Variants in COL22A1 observed in about 807,000 individuals in gnomAD.
COL22A1 encodes the protein collagen type XXII alpha 1 chain.
A neutral mutation model predicts 248.9 loss-of-function variants in COL22A1; 221 were observed. The observed-to-expected ratio is 0.89, with a 90% CI of 0.80 to 0.99. COL22A1 has a LOEUF of 0.99. Ranked by LOEUF, COL22A1 falls within the 50% of genes least tolerant of loss-of-function variation. The pLI, the probability that COL22A1 is intolerant of heterozygous loss-of-function variation, is 0.00. For missense variants in COL22A1, 2,240 were observed against 2,179.0 expected, an observed-to-expected ratio of 1.03 and a Z score of -0.56; for synonymous variants, 891 against 793.4, an observed-to-expected ratio of 1.12 and a Z score of -2.07.
intron 64 of COL22A1, 25 bp downstream of exon 64, chr8:138,591,399 C>T: frequency 6.4e-7 from 1 of 1,553,950 alleles, no homozygotes; most frequent in Non-Finnish European, 8.7e-7. Flanking sequence ...ACACCCTACC[C>T]CTGAGACTGC....
At chr8:138,783,598 G>A (rs1305903317) in intron 12 of COL22A1, among the ~76,000 whole-genome samples, 4 of 152,134 alleles carry the variant, frequency 2.6e-5, no homozygotes, top group Non-Finnish European at 5.9e-5. Context: ...TGACTCAAAA[G>A]TTAATCTCCT....
intron 12 of COL22A1, among the ~76,000 whole-genome samples, chr8:138,792,105 C>A (rs561459219): frequency 6.6e-6 from 1 of 152,210 alleles, no homozygotes; most frequent in East Asian, 1.9e-4. Flanking sequence ...GACATTTTGC[C>A]CCCATTTCAT....
At chr8:138,734,137 G>A (rs1586602346) in intron 23 of COL22A1, among the ~76,000 whole-genome samples, 1 of 152,268 alleles carries the variant, frequency 6.6e-6, no homozygotes, top group East Asian at 1.9e-4. Flanking sequence ...CGAAAGCTCT[G>A]CGGGAAATAG....
At chr8:138,597,395 T>C (rs777349920) in intron 61 of COL22A1, among the ~76,000 whole-genome samples, 27 of 152,194 alleles carry the variant, frequency 1.8e-4, no homozygotes, top group Non-Finnish European at 2.9e-4. Flanking sequence ...TGAACTCATG[T>C]GGATTTCCCC....
chr8:138,671,005 G>A (rs1447624568), intron 41 of COL22A1, among the ~76,000 whole-genome samples: 1 of 143,344 alleles, frequency 7.0e-6, no homozygotes, highest in Non-Finnish European at 1.5e-5. Context: ...TGAGTGTGAA[G>A]GCTAAAGTGA....
intron 40 of COL22A1, among the ~76,000 whole-genome samples, chr8:138,679,119 T>A (rs1164913385): frequency 6.6e-6 from 1 of 152,158 alleles, no homozygotes; most frequent in Non-Finnish European, 1.5e-5. Flanking sequence ...GGTCTCATTA[T>A]GTTATCTAGG....
rs371559054 is a variant in COL22A1, at chr8:138,906,658, CT to C, written c.-73+6960del. Among the ~76,000 whole-genome samples, 1,066 of 144,222 alleles carry C rather than the reference CT, an allele frequency of 7.4e-3. 11 individuals are homozygous for C. Among genetic ancestry groups the C allele is most frequent in the African/African-American group, 0.022 (887 of 39,506 alleles). 94.6% of individuals were successfully genotyped at this position (144,222 alleles called of 152,430 possible). A position where few individuals can be genotyped will look rare whatever the true frequency, so the allele number is the denominator to read the frequency against. On this transcript the variant is annotated intron_variant, in intron 1 of 64. Transcript: ENST00000303045. ...TTGACATAAGACTGACTTTCTTTTT[CT>C]TTTTTTTTTTTGAGACAGAGTCTGG...
At chr8:138,594,329 C>A in intron 62 of COL22A1, 130 bp from the exon 63 acceptor site, 2 of 741,720 alleles carry the variant, frequency 2.7e-6, no homozygotes, top group Non-Finnish European at 2.1e-6. Flanking sequence ...GACAGGATGG[C>A]TACTCACTGA....
chr8:138,803,742 C>T (rs979530344), intron 10 of COL22A1, among the ~76,000 whole-genome samples: 7 of 152,184 alleles, frequency 4.6e-5, no homozygotes, highest in Admixed American at 1.3e-4. Context: ...CCTGCCATCT[C>T]ATGAGCCAAT....
At chr8:138,678,908 C>T (rs912870904) in intron 40 of COL22A1, among the ~76,000 whole-genome samples, 1 of 152,086 alleles carries the variant, frequency 6.6e-6, no homozygotes. Context: ...GCATTATTAT[C>T]ACTTATTTAT....
intron 6 of COL22A1, among the ~76,000 whole-genome samples, chr8:138,822,620 G>A (rs970319678): frequency 6.6e-6 from 1 of 152,108 alleles, no homozygotes; most frequent in Non-Finnish European, 1.5e-5. Context: ...CCTTCCCTGG[G>A]GCTCCCTGCT....
chr8:138,787,627 G>C (rs1432639912), intron 12 of COL22A1, among the ~76,000 whole-genome samples: 1 of 152,156 alleles, frequency 6.6e-6, no homozygotes, highest in African/African-American at 2.4e-5. Flanking sequence ...CAGGATATAA[G>C]AGAATGACAA....
At chr8:138,898,315 G>T (rs567037821) in intron 1 of COL22A1, among the ~76,000 whole-genome samples, 1 of 152,204 alleles carries the variant, frequency 6.6e-6, no homozygotes, top group East Asian at 1.9e-4. Flanking sequence ...CTCCAGAAAT[G>T]GAAACACCCT....
At chr8:138,900,289 C>T (rs1301063477) in intron 1 of COL22A1, among the ~76,000 whole-genome samples, 1 of 152,156 alleles carries the variant, frequency 6.6e-6, no homozygotes, top group Non-Finnish European at 1.5e-5. Context: ...CTCTGGCCAT[C>T]AGGAGTGTTT....
At chr8:138,707,283 T>G (rs1828547448) in intron 30 of COL22A1, among the ~76,000 whole-genome samples, 1 of 152,150 alleles carries the variant, frequency 6.6e-6, no homozygotes. Flanking sequence ...CCTAATTCAT[T>G]TTATGAGGCC....
chr8:138,824,140 T>C (rs566693154), intron 6 of COL22A1, among the ~76,000 whole-genome samples: 2 of 152,334 alleles, frequency 1.3e-5, no homozygotes, highest in South Asian at 2.1e-4. Context: ...TTCTAATACA[T>C]ATAAAGCTAA....
intron 60 of COL22A1, among the ~76,000 whole-genome samples, chr8:138,600,017 C>T (rs1817873881): frequency 6.6e-6 from 1 of 152,186 alleles, no homozygotes; most frequent in Admixed American, 6.5e-5. Flanking sequence ...TCATCTCTCT[C>T]TCCTTTCTCT....
chr8:138,703,248 A>G (rs1586507410), intron 31 of COL22A1, 58 bp downstream of exon 31: 4 of 1,395,520 alleles, frequency 2.9e-6, no homozygotes, highest in Non-Finnish European at 4.1e-6. Context: ...CTGGAGGGGG[A>G]GTACGAATCC....
chr8:138,838,670 CAAA>C (rs58257635), intron 4 of COL22A1, among the ~76,000 whole-genome samples: 1 of 133,810 alleles, frequency 7.5e-6, no homozygotes, highest in African/African-American at 2.8e-5. Context: ...CAAAGGGCAC[CAAA>C]AAAAAAAAAA....
Sources: allele counts gnomAD v4.1 joint callset (sites outside exome capture counted in the v4.1 genomes callset), GRCh38; gene constraint gnomAD v4.1.1; transcripts MANE v1.5; gene names NCBI Gene and HGNC (gene_info 2026-07-23, HGNC 2026-07-21).